Variants in LRBA observed in about 807,000 individuals in gnomAD.
LRBA encodes the protein lipopolysaccharide-responsive and beige-like anchor protein.
Under a neutral mutation model 330.0 loss-of-function variants are expected in LRBA, and 176 were observed. The ratio of observed to expected loss-of-function variants is 0.53; its 90% CI spans 0.47 to 0.60. The LOEUF (loss-of-function observed/expected upper bound fraction) is 0.60. LRBA is among the 20% of genes least tolerant of loss of function. The pLI is 0.00. For missense variants in LRBA, 3,259 were observed against 3,444.8 expected (o/e 0.95, Z 1.35); for synonymous variants, 1,230 against 1,193.0 (o/e 1.03, Z -0.64).
At chr4:150,602,988 T>C (rs1255462294) in intron 37 of LRBA, among the ~76,000 whole-genome samples, 3 of 152,198 alleles carry the variant, frequency 2.0e-5, no homozygotes, top group Non-Finnish European at 4.4e-5. Context: ...TATCTGTATC[T>C]ATCCCCAAAA....
chr4:150,446,006 A>G (rs1446831888), intron 44 of LRBA, among the ~76,000 whole-genome samples: 2 of 152,158 alleles, frequency 1.3e-5, no homozygotes, highest in Non-Finnish European at 2.9e-5. Flanking sequence ...AAAGATATCA[A>G]TATATAAGGC....
intron 47 of LRBA, among the ~76,000 whole-genome samples, chr4:150,351,800 A>C (rs1001675862): frequency 2.0e-5 from 3 of 152,226 alleles, no homozygotes; most frequent in African/African-American, 7.2e-5. Context: ...ACCAAACCCT[A>C]TACCTATATG....
intron 22 of LRBA, among the ~76,000 whole-genome samples, chr4:150,867,445 G>T (rs1752865355): frequency 6.6e-6 from 1 of 152,088 alleles, no homozygotes; most frequent in Admixed American, 6.6e-5. Flanking sequence ...CCATTATAAA[G>T]ATAAGTACAT....
chr4:150,888,861 T>G (rs1056512648), intron 17 of LRBA, among the ~76,000 whole-genome samples: 3 of 152,190 alleles, frequency 2.0e-5, no homozygotes, highest in Non-Finnish European at 4.4e-5. Flanking sequence ...TTAAAATAAA[T>G]AAAACCTACA....
intron 37 of LRBA, among the ~76,000 whole-genome samples, chr4:150,610,183 T>C (rs565157581): frequency 1.3e-5 from 2 of 152,276 alleles, no homozygotes; most frequent in Admixed American, 1.3e-4. Flanking sequence ...AAATAGCTTA[T>C]GAAGGTCCAG....
At chr4:150,398,676 G>C (rs1287010154) in intron 47 of LRBA, among the ~76,000 whole-genome samples, 2 of 151,904 alleles carry the variant, frequency 1.3e-5, no homozygotes, top group Admixed American at 6.6e-5. Flanking sequence ...ACCCAGGCTG[G>C]AGTGTAGTAG....
intron 34 of LRBA, among the ~76,000 whole-genome samples, chr4:150,793,921 G>C (rs1560825566): frequency 2.0e-5 from 3 of 152,144 alleles, no homozygotes; most frequent in African/African-American, 7.2e-5. Flanking sequence ...AGAAAACAAA[G>C]AGGAATACTA....
intron 40 of LRBA, among the ~76,000 whole-genome samples, chr4:150,573,423 C>G (rs913703959): frequency 6.6e-6 from 1 of 152,182 alleles, no homozygotes; most frequent in African/African-American, 2.4e-5. Context: ...TTTTGGTCAC[C>G]TGGCACTCCC....
At chr4:150,517,169 A>G (rs779803363) in intron 40 of LRBA, among the ~76,000 whole-genome samples, 1 of 152,212 alleles carries the variant, frequency 6.6e-6, no homozygotes, top group Non-Finnish European at 1.5e-5. Flanking sequence ...TACAACATAC[A>G]TAAGTTTATA....
chr4:150,560,301 G>T (rs1440795942), intron 40 of LRBA, among the ~76,000 whole-genome samples: 1 of 151,946 alleles, frequency 6.6e-6, no homozygotes, highest in Non-Finnish European at 1.5e-5. Flanking sequence ...AATATTAATG[G>T]CAGGTAAATC....
chr4:150,510,836 T>C (rs1403896302), intron 40 of LRBA, among the ~76,000 whole-genome samples: 1 of 151,966 alleles, frequency 6.6e-6, no homozygotes, highest in Non-Finnish European at 1.5e-5. Context: ...ATTCTTTTAT[T>C]TTTTATTATT....
At chr4:150,718,637 T>C (rs755468113) in intron 36 of LRBA, among the ~76,000 whole-genome samples, 4 of 152,160 alleles carry the variant, frequency 2.6e-5, no homozygotes, top group Non-Finnish European at 5.9e-5. Context: ...TGAACAAATA[T>C]ATTTTCTCTG....
At chr4:150,584,960 G>A (rs185648490) in intron 40 of LRBA, among the ~76,000 whole-genome samples, 29 of 152,006 alleles carry the variant, frequency 1.9e-4, no homozygotes, top group Non-Finnish European at 1.3e-4. Context: ...TCACGCTTGG[G>A]AAAAAAGTAT....
chr4:150,409,983 C>T (rs538724372), intron 47 of LRBA, among the ~76,000 whole-genome samples: 1 of 152,124 alleles, frequency 6.6e-6, no homozygotes, highest in African/African-American at 2.4e-5. Context: ...CTGCAGCCAC[C>T]ACGGCTGTTT....
intron 47 of LRBA, among the ~76,000 whole-genome samples, chr4:150,381,535 T>C (rs1206849116): frequency 6.6e-6 from 1 of 152,264 alleles, no homozygotes; most frequent in Non-Finnish European, 1.5e-5. Flanking sequence ...ATTTCACTTC[T>C]GTTTATGGCT....
At chr4:150,580,808 G>A (rs987686520) in intron 40 of LRBA, 5 of 152,276 alleles carry the variant, frequency 3.3e-5, no homozygotes, top group African/African-American at 7.2e-5. Flanking sequence ...TATACTAAAA[G>A]CACATGCATG....
intron 55 of LRBA, among the ~76,000 whole-genome samples, chr4:150,278,518 A>G (rs529650149): frequency 3.9e-5 from 6 of 152,298 alleles, no homozygotes; most frequent in African/African-American, 2.4e-5. Flanking sequence ...GAGAGCTACA[A>G]CAACTTCCAG....
At chr4:150,541,324 A>G (rs1765299266) in intron 40 of LRBA, among the ~76,000 whole-genome samples, 1 of 152,210 alleles carries the variant, frequency 6.6e-6, no homozygotes, top group Non-Finnish European at 1.5e-5. Flanking sequence ...GGCAAAAAAT[A>G]TACCTAATGA....
intron 40 of LRBA, among the ~76,000 whole-genome samples, chr4:150,573,631 A>C (rs1466890083): frequency 6.6e-6 from 1 of 152,204 alleles, no homozygotes; most frequent in Non-Finnish European, 1.5e-5. Context: ...CCACAAGCTT[A>C]GACAAACAAT....
Sources: gnomAD v4.1 joint callset for allele counts (sites outside exome capture counted in the v4.1 genomes callset) on GRCh38, gnomAD v4.1.1 for gene constraint, MANE v1.5 for transcripts, NCBI Gene and HGNC (gene_info 2026-07-23, HGNC 2026-07-21) for gene names.